OSBPL3: variants seen among roughly 807,000 people sequenced by gnomAD.
OSBPL3 encodes oxysterol-binding protein-related protein 3.
In OSBPL3, 65 loss-of-function variants were observed where a neutral mutation model predicts 120.1. The observed-to-expected ratio is 0.54, with a 90% CI of 0.44 to 0.67. The LOEUF is 0.67. OSBPL3 is among the 30% of genes least tolerant of loss of function. The pLI is 0.00. For missense variants in OSBPL3, 1,004 were observed against 1,082.1 expected, an observed-to-expected ratio of 0.93 and a Z score of 1.01; for synonymous variants, 416 against 402.6, an observed-to-expected ratio of 1.03 and a Z score of -0.40.
chr7:24,927,991 GT>G (rs1389495898), intron 1 of OSBPL3, among the ~76,000 whole-genome samples: 1 of 152,068 alleles, frequency 6.6e-6, no homozygotes, highest in African/African-American at 2.4e-5. Flanking sequence ...CTTTGGTGCT[GT>G]TCTCATGATA....
intron 1 of OSBPL3, among the ~76,000 whole-genome samples, chr7:24,943,244 G>A (rs2710993): frequency 0.79 from 120,482 of 152,154 alleles, 48,593 homozygotes; most frequent in African/African-American, 0.93. Flanking sequence ...TACACTGGCT[G>A]GATCCATGCT....
Position 24,824,644 on chromosome 7 carries a change from T to A in OSBPL3, c.1885-4406A>T, listed in dbSNP as rs1480536822. On this transcript the variant is annotated intron_variant, in intron 16 of 22. Coordinates refer to ENST00000313367, the MANE Select transcript of OSBPL3 (RefSeq NM_015550.4). This position sits in a 1 kb window ranked among gnomAD's most constrained non-coding sequence, Gnocchi z 4.9. ...ATTGCCTGTGATGTGTCAGGCACCGTCCTAGTCACCAAGGGTAAAAATTCT... is the reference window on the plus strand; with the variant it reads ...ATTGCCTGTGATGTGTCAGGCACCGACCTAGTCACCAAGGGTAAAAATTCT... Among the ~76,000 whole-genome samples, 1 of 152,206 alleles carries A rather than the reference T, an allele frequency of 6.6e-6. No individual in the cohort carries two copies. The highest frequency in any genetic ancestry group is 2.4e-5 in the African/African-American group (1 of 41,456).
At position 24,863,397 on chromosome 7, in the gene OSBPL3, A is replaced by C; in HGVS notation, c.777+99T>G. The stretch of plus-strand genomic sequence containing the variant: ...ACCTCCATCCCCTTGACTTTGGCTG[A>C]AGCAACTGACCACAGCATCCCACTG... On this transcript the variant is annotated intron_variant, in intron 8 of 22. Coordinates refer to ENST00000313367, the MANE Select transcript of OSBPL3 (RefSeq NM_015550.4). This position sits in a 1 kb window ranked among gnomAD's most constrained non-coding sequence, Gnocchi z 5.8. The C allele has an allele frequency of 7.2e-7, 1 of 1,379,812 alleles. No individual in the cohort carries two copies. The highest frequency in any genetic ancestry group is 1.0e-6 in the Non-Finnish European group (1 of 967,024). The allele number at this position is 1,379,812 out of a possible 1,614,324, so 85.5% of individuals were successfully genotyped here.
At chr7:24,893,395 T>C (rs1168568598) in intron 1 of OSBPL3, among the ~76,000 whole-genome samples, 1 of 152,206 alleles carries the variant, frequency 6.6e-6, no homozygotes, top group Non-Finnish European at 1.5e-5. Flanking sequence ...CATTGTATGT[T>C]TCCATATGAA....
At chr7:24,823,304 A>G (rs915042264) in intron 16 of OSBPL3, among the ~76,000 whole-genome samples, 1 of 123,024 alleles carries the variant, frequency 8.1e-6, no homozygotes, top group African/African-American at 2.6e-5. Flanking sequence ...GGCAGAGACT[A>G]AGTGAAAATA....
chr7:24,870,784 T>C lies in OSBPL3; in HGVS notation c.329A>G (p.Lys110Arg), dbSNP rs767305923. 1 of 1,613,926 alleles carries C rather than the reference T, an allele frequency of 6.2e-7. No homozygotes were observed. The highest frequency in any genetic ancestry group is 8.5e-7 in the Non-Finnish European group (1 of 1,179,770). Reference sequence around the variant, plus strand: ...GTCAAGGTCTATGCATTTTGATGACTTCTTTACAGACATCACTGAGAGCCC... The same window carrying C: ...GTCAAGGTCTATGCATTTTGATGACCTCTTTACAGACATCACTGAGAGCCC... ...DVGLSVMSVKKSSKCIDLDTE... is the reference protein window; with the variant it reads ...DVGLSVMSVKRSSKCIDLDTE... Residue 110 changes from lysine (K) to arginine (R), a missense_variant, in exon 5 of 23, where the codon AAG (lysine) becomes AGG (arginine). By Grantham distance (26) the Lys-to-Arg change is conservative (BLOSUM62 2). Around this residue, in one of 4 missense-constraint regions of OSBPL3, gnomAD observed 255 missense variants for 248.7 expected, o/e 1.03. Transcript: ENST00000313367.
At chr7:24,825,170 G>A (rs145555366) in intron 16 of OSBPL3, among the ~76,000 whole-genome samples, 1 of 152,310 alleles carries the variant, frequency 6.6e-6, no homozygotes, top group African/African-American at 2.4e-5. Context: ...GAATTAACTG[G>A]CTCTGGAAAC....
chr7:24,979,701 G>A (rs1032991582), intron 1 of OSBPL3, among the ~76,000 whole-genome samples, 185 bp downstream of exon 1: 3 of 152,154 alleles, frequency 2.0e-5, no homozygotes, highest in Non-Finnish European at 4.4e-5. Flanking sequence ...CCCGGGAGCT[G>A]CAGCCGGCAC....
At chr7:24,979,820 G>A (rs1408670453) in intron 1 of OSBPL3, 66 bp downstream of exon 1, 13 of 681,854 alleles carry the variant, frequency 1.9e-5, no homozygotes, top group Admixed American at 7.9e-5. Context: ...CAGCCCTTCC[G>A]AGCCCGCGCC....
intron 1 of OSBPL3, among the ~76,000 whole-genome samples, chr7:24,963,865 C>CA (rs952692852): frequency 9.9e-5 from 15 of 151,554 alleles, no homozygotes; most frequent in African/African-American, 2.4e-5. Flanking sequence ...ATCACCCATG[C>CA]AAAAAAATGA....
Position 24,872,285 on chromosome 7 carries a change from CT to C in OSBPL3, c.97-217del, listed in dbSNP as rs1015638823. Among the ~76,000 whole-genome samples, 207 of 146,860 alleles carry C rather than the reference CT, an allele frequency of 1.4e-3. 2 individuals are homozygous for C. The highest frequency in any genetic ancestry group is 2.0e-3 in the Non-Finnish European group (134 of 66,186). On this transcript the variant is annotated intron_variant, in intron 2 of 22. Coordinates refer to ENST00000313367, the MANE Select transcript of OSBPL3 (RefSeq NM_015550.4). The surrounding 1 kb of genome is among the most constrained non-coding windows in gnomAD (Gnocchi z 4.1). The stretch of plus-strand genomic sequence containing the variant: ...ATCAAATTTTGGTTTTTTTAAAGCT[CT>C]TTTTTTTTTAGAAGGGAATGTTTCT...
chr7:24,855,860 A>G lies in OSBPL3; in HGVS notation c.1028-3226T>C, dbSNP rs985138949. Reference sequence around the variant, plus strand: ...TGGTTACCTGACAATAAATAAAGCCACACAGAAAATCTTAGATGCTCAGAG... The same window carrying G: ...TGGTTACCTGACAATAAATAAAGCCGCACAGAAAATCTTAGATGCTCAGAG... On this transcript the variant is annotated intron_variant, in intron 10 of 22. Coordinates refer to ENST00000313367, the MANE Select transcript of OSBPL3 (RefSeq NM_015550.4). This position sits in a 1 kb window ranked among gnomAD's most constrained non-coding sequence, Gnocchi z 4.3. Among the ~76,000 whole-genome samples, 1 of 152,190 alleles carries G rather than the reference A, an allele frequency of 6.6e-6. No homozygotes were observed. Among genetic ancestry groups the G allele is most frequent in the African/African-American group, 2.4e-5 (1 of 41,448 alleles).
In OSBPL3 at chr7:24,933,137, G is replaced by C. The variant is rs566475437; in HGVS notation, c.-149-40516C>G. ...ACGCACGCAGACGCCTGCAGAACTG[G>C]GACCCAGCTGAGAGGGGGGTTCGCT... On this transcript the variant is annotated intron_variant, in intron 1 of 22. Transcript: ENST00000313367. The surrounding 1 kb of genome is among the most constrained non-coding windows in gnomAD (Gnocchi z 5.1). 1.3e-5 allele frequency among the ~76,000 whole-genome samples: 2 copies of C among 152,312 alleles called. No homozygotes were observed. The highest frequency in any genetic ancestry group is 2.9e-5 in the Non-Finnish European group (2 of 68,024).
chr7:24,935,525 A>T (rs1236957532), intron 1 of OSBPL3, among the ~76,000 whole-genome samples: 2 of 152,180 alleles, frequency 1.3e-5, no homozygotes, highest in African/African-American at 4.8e-5. Context: ...AACTTTTTAC[A>T]CTACTAGAAA....
intron 1 of OSBPL3, among the ~76,000 whole-genome samples, chr7:24,943,061 C>T (rs954528389): frequency 6.6e-6 from 1 of 152,194 alleles, no homozygotes; most frequent in Admixed American, 6.5e-5. Context: ...GAACACCAAC[C>T]CAGGGCTAGA....
At chr7:24,858,427 G>A (rs934434060) in intron 10 of OSBPL3, among the ~76,000 whole-genome samples, 1 of 152,224 alleles carries the variant, frequency 6.6e-6, no homozygotes, top group Admixed American at 6.5e-5. Context: ...CAAGGTCACA[G>A]GACTTAGTAC....
rs1424511700 is a variant in OSBPL3 at position 24,821,689 on chromosome 7, C to T, written c.1885-1451G>A. Among the ~76,000 whole-genome samples, 2 of 152,184 alleles carry T rather than the reference C, an allele frequency of 1.3e-5. No individual in the cohort carries two copies. Among genetic ancestry groups the T allele is most frequent in the African/African-American group, 4.8e-5 (2 of 41,440 alleles). ...ATCTTTCAGATTCCTCAATAAACAC[C>T]AACGCCAGCTGCAATACAAAGCAGG... On this transcript the variant is annotated intron_variant, in intron 16 of 22. Transcript: ENST00000313367. This position sits in a 1 kb window ranked among gnomAD's most constrained non-coding sequence, Gnocchi z 5.5.
chr7:24,829,006 C>T (rs193259426), intron 16 of OSBPL3, among the ~76,000 whole-genome samples: 1 of 152,168 alleles, frequency 6.6e-6, no homozygotes, highest in Non-Finnish European at 1.5e-5. Flanking sequence ...ATTTCTCCCC[C>T]ACTGTGCCAC....
chr7:24,923,895 C>G (rs1438844535), intron 1 of OSBPL3, among the ~76,000 whole-genome samples: 1 of 152,170 alleles, frequency 6.6e-6, no homozygotes, highest in Non-Finnish European at 1.5e-5. Context: ...CTTACCTGAT[C>G]CAGTCTATTT....
Sources: gnomAD v4.1 joint callset for allele counts (sites outside exome capture counted in the v4.1 genomes callset) on GRCh38, gnomAD v4.1.1 for gene constraint, gnomAD v4.1.1 regional missense constraint, Gnocchi (gnomAD v3.1) non-coding constraint, MANE v1.5 for transcripts, NCBI Gene and HGNC (gene_info 2026-07-23, HGNC 2026-07-21) for gene names.